The following CRACR2A variants were observed in gnomAD, a reference collection of about 807,000 sequenced individuals.
CRACR2A encodes EF-hand calcium-binding domain-containing protein 4B.
In CRACR2A, 79 loss-of-function variants were observed where a neutral mutation model predicts 90.5. The ratio of observed to expected loss-of-function variants is 0.87; its 90% confidence interval spans 0.73 to 1.05. The LOEUF (loss-of-function observed/expected upper bound fraction) is 1.05, where lower values mean the gene tolerates loss of function less well. Ranked by LOEUF, CRACR2A falls within the 50% of genes least tolerant of loss-of-function variation. The pLI is 0.00. For missense variants in CRACR2A, 823 were observed against 897.2 expected, an observed-to-expected ratio of 0.92 and a Z score of 1.06; for synonymous variants, 338 against 356.7, an observed-to-expected ratio of 0.95 and a Z score of 0.59.
At chr12:3,619,445 GC>G in intron 17 of CRACR2A, 73 bp from the exon 18 acceptor site, 1 of 1,232,844 alleles carries the variant, frequency 8.1e-7, no homozygotes, top group East Asian at 2.5e-5. Flanking sequence ...AACAATGCCG[GC>G]TGGACAGATG....
Position 3,711,565 on chromosome 12 carries a change from A to C in CRACR2A, c.-37+1672T>G, listed in dbSNP as rs1348931986. Among the ~76,000 whole-genome samples, 2 of 152,150 alleles carry C rather than the reference A, an allele frequency of 1.3e-5. No individual in the cohort carries two copies. Among genetic ancestry groups the C allele is most frequent in the East Asian group, 3.8e-4 (2 of 5,200 alleles). ...AGACCTCATCAGAATGGCTTTTATCATCCATATTCCCACCAGTGTACTGTT... is the reference window on the plus strand; with the variant it reads ...AGACCTCATCAGAATGGCTTTTATCCTCCATATTCCCACCAGTGTACTGTT... On this transcript the variant is annotated intron_variant, in intron 3 of 19. Coordinates refer to ENST00000440314, the MANE Select transcript of CRACR2A (RefSeq NM_001144958.2). The surrounding 1 kb of genome is among the most constrained non-coding windows in gnomAD (Gnocchi z 4.3).
At chr12:3,702,620 A>G (rs1823314538) in intron 3 of CRACR2A, among the ~76,000 whole-genome samples, 1 of 152,240 alleles carries the variant, frequency 6.6e-6, no homozygotes, top group South Asian at 2.1e-4. Context: ...GCTATAAAAT[A>G]TCAATGAGAA....
At chr12:3,619,676 G>C (rs1867778825) in intron 17 of CRACR2A, among the ~76,000 whole-genome samples, 1 of 152,182 alleles carries the variant, frequency 6.6e-6, no homozygotes, top group Admixed American at 6.5e-5. Flanking sequence ...GGCCCCCCAA[G>C]GTGTGCTGGA....
intron 1 of CRACR2A, among the ~76,000 whole-genome samples, chr12:3,745,805 T>TAAA (rs1159945751): frequency 1.3e-3 from 6 of 4,664 alleles, no homozygotes; most frequent in African/African-American, 3.0e-3. Context: ...TAAAATAAAA[T>TAAA]AAAATAAAAT....
intron 3 of CRACR2A, among the ~76,000 whole-genome samples, chr12:3,707,100 G>C (rs56373517): frequency 0.14 from 20,665 of 152,086 alleles, 1,602 homozygotes; most frequent in Admixed American, 0.22. Flanking sequence ...CCCTACCCCA[G>C]GCCACCAAGA....
chr12:3,703,030 A>G (rs888560277), intron 3 of CRACR2A, among the ~76,000 whole-genome samples: 1 of 152,240 alleles, frequency 6.6e-6, no homozygotes, highest in African/African-American at 2.4e-5. Context: ...GGCAATTCAG[A>G]GGATAAAGCA....
At position 3,617,757 on chromosome 12, in the gene CRACR2A, G is replaced by A. The variant is rs1439641243; in HGVS notation, c.2035-727C>T. ...CATTATGACAATGCTGATGGCACAGGGCCCTGGCTTTTAGATGGCCTGTTC... is the reference window on the plus strand; with the variant it reads ...CATTATGACAATGCTGATGGCACAGAGCCCTGGCTTTTAGATGGCCTGTTC... On this transcript the variant is annotated intron_variant, in intron 18 of 19. Transcript: ENST00000440314. Among the ~76,000 whole-genome samples, 4 of 152,172 alleles carry A rather than the reference G, an allele frequency of 2.6e-5. 1 individual carries two copies. Among genetic ancestry groups the A allele is most frequent in the African/African-American group, 9.7e-5 (4 of 41,422 alleles).
At chr12:3,708,616 G>A (rs966134299) in intron 3 of CRACR2A, among the ~76,000 whole-genome samples, 18 of 152,192 alleles carry the variant, frequency 1.2e-4, no homozygotes, top group African/African-American at 3.9e-4. Flanking sequence ...TAGTAGAGAC[G>A]GGGTTTCACC....
intron 2 of CRACR2A, chr12:3,730,600 C>A (rs747207674): frequency 1.1e-4 from 17 of 152,102 alleles, no homozygotes; most frequent in Admixed American, 5.9e-4. Context: ...TAAATCCATA[C>A]AATGGGATAC....
At chr12:3,693,139 C>T (rs899568239) in intron 4 of CRACR2A, among the ~76,000 whole-genome samples, 18 of 152,202 alleles carry the variant, frequency 1.2e-4, no homozygotes, top group African/African-American at 3.9e-4. Flanking sequence ...CACACACATG[C>T]ACCGGCAAAG....
At chr12:3,703,082 A>G (rs376596279) in intron 3 of CRACR2A, among the ~76,000 whole-genome samples, 1 of 152,174 alleles carries the variant, frequency 6.6e-6, no homozygotes, top group African/African-American at 2.4e-5. Flanking sequence ...TTGAATATCC[A>G]TTTGCAAAAA....
chr12:3,676,256 A>C (rs896144518), intron 6 of CRACR2A, among the ~76,000 whole-genome samples: 2 of 152,192 alleles, frequency 1.3e-5, no homozygotes, highest in African/African-American at 4.8e-5. Flanking sequence ...TCTCAGAATG[A>C]GTTCCATTCC....
chr12:3,741,592 C>CT (rs1946525898), intron 1 of CRACR2A, among the ~76,000 whole-genome samples: 1 of 152,192 alleles, frequency 6.6e-6, no homozygotes, highest in African/African-American at 2.4e-5. Context: ...GATGAGGCAA[C>CT]TGAGGCCCAC....
At chr12:3,640,906 T>C in intron 13 of CRACR2A, 1 of 1,057,462 alleles carries the variant, frequency 9.5e-7, no homozygotes, top group Non-Finnish European at 1.2e-6. Flanking sequence ...ACAAAATGTG[T>C]TATGTTTGAG....
intron 2 of CRACR2A, among the ~76,000 whole-genome samples, chr12:3,721,575 A>C (rs1390446999): frequency 7.3e-6 from 1 of 136,630 alleles, no homozygotes. Context: ...ACAGAGTCTC[A>C]ATCATGTCTC....
chr12:3,734,300 C>T (rs1946413102), intron 1 of CRACR2A, among the ~76,000 whole-genome samples: 1 of 152,142 alleles, frequency 6.6e-6, no homozygotes, highest in African/African-American at 2.4e-5. Flanking sequence ...AATTCTGCAA[C>T]ATATGCCAAT....
chr12:3,723,609 G>T (rs1373633462), intron 2 of CRACR2A, among the ~76,000 whole-genome samples: 1 of 152,010 alleles, frequency 6.6e-6, no homozygotes, highest in East Asian at 1.9e-4. Flanking sequence ...AGCAACTCCA[G>T]CCATGGTCCT....
rs2109093 is a variant in CRACR2A, at chr12:3,731,318, A to C, written c.-118+1624T>G. 2.6e-5 allele frequency: 4 copies of C among 152,602 alleles called. No homozygotes were observed. The South Asian group carries it at 6.2e-4, about 24-fold the overall frequency. 9.5% of individuals were successfully genotyped at this position (152,602 alleles called of 1,614,324 possible). The stretch of plus-strand genomic sequence containing the variant: ...AGACAGAATTTCCTGCCATTCCTCG[A>C]TAGTTAAGGCTGCCTGGAACCCCAG... On this transcript the variant is annotated intron_variant, in intron 2 of 19. Coordinates refer to ENST00000440314, the MANE Select transcript of CRACR2A (RefSeq NM_001144958.2).
intron 7 of CRACR2A, among the ~76,000 whole-genome samples, chr12:3,662,497 G>A (rs75507308): frequency 0.033 from 4,981 of 152,264 alleles, 126 homozygotes; most frequent in Middle Eastern, 0.085. Flanking sequence ...TGTGAAAAGC[G>A]TCAGAACCAC....
Sources: allele counts gnomAD v4.1 joint callset (sites outside exome capture counted in the v4.1 genomes callset), GRCh38; gene constraint gnomAD v4.1.1; non-coding constraint Gnocchi (gnomAD v3.1); transcripts MANE v1.5; gene names NCBI Gene and HGNC (gene_info 2026-07-23, HGNC 2026-07-21).